Variants in RBFOX1 observed in about 807,000 individuals in gnomAD.
RBFOX1 encodes RNA binding fox-1 homolog 1.
In RBFOX1, 8 loss-of-function variants were observed where a neutral mutation model predicts 57.7. The observed-to-expected ratio is 0.14, with a 90% CI of 0.08 to 0.25. RBFOX1 has a LOEUF of 0.25. Ranked by LOEUF, RBFOX1 falls within the 10% of genes least tolerant of loss-of-function variation. The probability of loss-of-function intolerance (pLI) is 1.00; values close to 1 mark genes in which losing one functional copy is unlikely to be tolerated. For synonymous variants in RBFOX1, 326 were observed against 222.4 expected, an observed-to-expected ratio of 1.47 and a Z score of -4.15; for missense variants, 611 against 548.5, an observed-to-expected ratio of 1.11 and a Z score of -1.14.
intron 4 of RBFOX1, among the ~76,000 whole-genome samples, chr16:7,233,123 G>C (rs116002071): frequency 6.6e-6 from 1 of 151,584 alleles, no homozygotes; most frequent in Non-Finnish European, 1.5e-5. Flanking sequence ...TCCCTTCCCA[G>C]TTAAAAACCC....
At chr16:6,177,901 C>T (rs1039408047) in intron 1 of RBFOX1, among the ~76,000 whole-genome samples, 4 of 142,688 alleles carry the variant, frequency 2.8e-5, no homozygotes, top group Non-Finnish European at 4.5e-5. Context: ...CTTGAAATAG[C>T]TCCTGCATTT....
chr16:5,587,573 C>T (rs1220813418), intron 2 of RBFOX1, among the ~76,000 whole-genome samples: 1 of 152,096 alleles, frequency 6.6e-6, no homozygotes, highest in African/African-American at 2.4e-5. Flanking sequence ...ATTGGCCAGG[C>T]CTGGTGGCAG....
intron 3 of RBFOX1, among the ~76,000 whole-genome samples, chr16:5,699,635 T>A (rs2050966509): frequency 1.3e-5 from 2 of 152,058 alleles, no homozygotes; most frequent in Admixed American, 1.3e-4. Context: ...ACATTTTTGG[T>A]TGTCAGCTCT....
intron 3 of RBFOX1, among the ~76,000 whole-genome samples, chr16:7,029,979 C>G (rs923450320): frequency 6.6e-6 from 1 of 152,146 alleles, no homozygotes; most frequent in Non-Finnish European, 1.5e-5. Flanking sequence ...AGACAGTCAA[C>G]AAGGACACAC....
At chr16:7,070,980 T>C (rs938308636) in intron 4 of RBFOX1, among the ~76,000 whole-genome samples, 1 of 152,086 alleles carries the variant, frequency 6.6e-6, no homozygotes, top group Non-Finnish European at 1.5e-5. Flanking sequence ...TTGCCCAGAG[T>C]GGCATGTTGT....
At chr16:6,950,065 G>A (rs1460000732) in intron 3 of RBFOX1, among the ~76,000 whole-genome samples, 1 of 150,802 alleles carries the variant, frequency 6.6e-6, no homozygotes, top group Non-Finnish European at 1.5e-5. Flanking sequence ...TCCTGCCTCA[G>A]CCTCCCGAGT....
At chr16:7,208,692 C>T (rs767054873) in intron 4 of RBFOX1, among the ~76,000 whole-genome samples, 8 of 152,110 alleles carry the variant, frequency 5.3e-5, no homozygotes, top group Non-Finnish European at 1.2e-4. Context: ...AAAAGATTAG[C>T]TGGGCATGAT....
intron 4 of RBFOX1, among the ~76,000 whole-genome samples, chr16:7,450,392 CAAAAAAAAAA>C (rs57188328): frequency 5.7e-5 from 4 of 69,578 alleles, no homozygotes; most frequent in African/African-American, 2.4e-4. Flanking sequence ...GACTCTGTCT[CAAAAAAAAAA>C]AAAAAAAAAA....
intron 4 of RBFOX1, among the ~76,000 whole-genome samples, chr16:7,192,603 G>A (rs535445525): frequency 6.6e-6 from 1 of 152,276 alleles, no homozygotes; most frequent in South Asian, 2.1e-4. Flanking sequence ...CACACGAAAA[G>A]GGGGCCAAAT....
chr16:6,879,490 C>G (rs934618820), intron 3 of RBFOX1, among the ~76,000 whole-genome samples: 3 of 152,028 alleles, frequency 2.0e-5, no homozygotes, highest in Non-Finnish European at 4.4e-5. Context: ...CCATCATGAC[C>G]TTAATTGCAA....
chr16:5,559,349 G>A (rs541026472), intron 2 of RBFOX1, among the ~76,000 whole-genome samples: 1 of 152,094 alleles, frequency 6.6e-6, no homozygotes, highest in East Asian at 1.9e-4. Context: ...CATTGATGTG[G>A]AAGCCATTTG....
intron 4 of RBFOX1, among the ~76,000 whole-genome samples, chr16:7,419,608 C>A (rs1225794755): frequency 6.6e-5 from 10 of 152,170 alleles, no homozygotes; most frequent in Non-Finnish European, 1.0e-4. Context: ...GATAACAGGG[C>A]CCCCTGCCCT....
At chr16:5,300,512 A>G (rs1267026978) in intron 1 of RBFOX1, among the ~76,000 whole-genome samples, 1 of 152,220 alleles carries the variant, frequency 6.6e-6, no homozygotes. Context: ...CAGCTGAGAT[A>G]ATAATAATGA....
chr16:5,709,721 A>ATG (rs1347573863), intron 3 of RBFOX1, among the ~76,000 whole-genome samples: 2 of 143,998 alleles, frequency 1.4e-5, no homozygotes, highest in Non-Finnish European at 3.0e-5. Flanking sequence ...TATGGTATAT[A>ATG]TATATAAAGT....
chr16:6,312,409 G>C (rs1238063272), intron 1 of RBFOX1, among the ~76,000 whole-genome samples: 1 of 152,110 alleles, frequency 6.6e-6, no homozygotes, highest in African/African-American at 2.4e-5. Flanking sequence ...TGGCAGAGAA[G>C]AGTGACCCCA....
intron 4 of RBFOX1, among the ~76,000 whole-genome samples, chr16:7,497,478 G>T (rs2151730633): frequency 6.6e-6 from 1 of 152,226 alleles, no homozygotes; most frequent in Non-Finnish European, 1.5e-5. Context: ...TAAAATCCAT[G>T]ACACTTGCTT....
At chr16:6,419,846 T>C (rs577975728) in intron 2 of RBFOX1, among the ~76,000 whole-genome samples, 14 of 152,290 alleles carry the variant, frequency 9.2e-5, no homozygotes, top group Admixed American at 3.9e-4. Flanking sequence ...GATCTCAAAC[T>C]GAGTTAATTG....
chr16:5,551,696 A>G (rs888782314), intron 2 of RBFOX1, among the ~76,000 whole-genome samples: 2 of 152,034 alleles, frequency 1.3e-5, no homozygotes, highest in Admixed American at 1.3e-4. Context: ...AGAGGTATAC[A>G]TGTGCCATGG....
intron 4 of RBFOX1, among the ~76,000 whole-genome samples, chr16:7,247,517 C>G (rs1277682559): frequency 6.6e-6 from 1 of 152,142 alleles, no homozygotes; most frequent in Non-Finnish European, 1.5e-5. Context: ...ACTAATTTTT[C>G]TGTAAGACCC....
Sources: allele counts gnomAD v4.1 joint callset (sites outside exome capture counted in the v4.1 genomes callset), GRCh38; gene constraint gnomAD v4.1.1; transcripts MANE v1.5; gene names NCBI Gene and HGNC (gene_info 2026-07-23, HGNC 2026-07-21).